Variants in FSIP2 observed in about 807,000 individuals in gnomAD.
FSIP2 encodes the protein fibrous sheath-interacting protein 2.
FSIP2 carries 367 observed loss-of-function variants against 510.5 expected under a neutral mutation model. That is an observed-to-expected ratio of 0.72 (90% CI 0.66 to 0.78). The LOEUF (loss-of-function observed/expected upper bound fraction) is 0.78. FSIP2 is among the 30% of genes least tolerant of loss of function. The probability of loss-of-function intolerance (pLI) is 0.00; values close to 1 mark genes in which losing one functional copy is unlikely to be tolerated. For missense variants in FSIP2, 7,594 were observed against 7,901.7 expected (o/e 0.96, Z 1.48); for synonymous variants, 2,601 against 2,732.2 (o/e 0.95, Z 1.50).
At chr2:185,780,967 G>A (rs769201630) in intron 13 of FSIP2, among the ~76,000 whole-genome samples, 6 of 151,850 alleles carry the variant, frequency 4.0e-5, no homozygotes, top group Admixed American at 6.6e-5. Flanking sequence ...CTGTGATTAC[G>A]AATTCTTAGC....
At chr2:185,776,620 TTTCA>T (rs1312839343) in intron 13 of FSIP2, among the ~76,000 whole-genome samples, 1 of 152,206 alleles carries the variant, frequency 6.6e-6, no homozygotes, top group African/African-American at 2.4e-5. Context: ...TTAAATCTGT[TTTCA>T]TTGACATTAA....
intron 13 of FSIP2, among the ~76,000 whole-genome samples, chr2:185,774,533 C>T (rs944298769): frequency 1.3e-5 from 2 of 151,886 alleles, no homozygotes; most frequent in Non-Finnish European, 2.9e-5. Flanking sequence ...GGTAAGAAGG[C>T]TTGTCAAGTG....
chr2:185,772,398 G>A (rs948299453), intron 13 of FSIP2, among the ~76,000 whole-genome samples: 10 of 152,148 alleles, frequency 6.6e-5, no homozygotes, highest in Non-Finnish European at 1.5e-5. Context: ...AAGAAAATAG[G>A]TTATTTTTCT....
chr2:185,765,624 C>T (rs192890249), intron 13 of FSIP2: 6 of 151,952 alleles, frequency 3.9e-5, no homozygotes, highest in East Asian at 3.9e-4. Flanking sequence ...ATTGGTGATG[C>T]GGGCTCTTTT....
At position 185,797,253 on chromosome 2, in the gene FSIP2, G is replaced by A. The variant is rs771692846; in HGVS notation, c.10117G>A (p.Gly3373Arg). ...KQSSLSEVSG[G>R]QKDNEKSLLR... is the part of the protein sequence containing the mutation. ...AAGCTCTTTATCTGAAGTATCTGGA[G>A]GGCAAAAGGATAACGAAAAAAGTTT... The change falls in exon 16 of 23, where the codon GGG (glycine) becomes AGG (arginine). Residue 3373 changes from glycine to arginine, a missense_variant. Gly to Arg is a moderately radical substitution (Grantham distance 125, BLOSUM62 -2). Coordinates refer to ENST00000424728, the MANE Select transcript of FSIP2 (RefSeq NM_173651.4). 5.9e-6 allele frequency: 9 copies of A among 1,534,676 alleles called. No homozygotes were observed. In the South Asian group the frequency reaches 8.3e-5, roughly 14 times the overall value.
rs557400998 is a variant in FSIP2, at chr2:185,744,578, T to C, written c.477+167T>C. The C allele has an allele frequency of 4.2e-5, 9 of 213,152 alleles. No individual in the cohort carries two copies. The South Asian group carries it at 1.5e-3, about 36-fold the overall frequency. 13.2% of individuals were successfully genotyped at this position (213,152 alleles called of 1,614,324 possible). A position where few individuals can be genotyped will look rare whatever the true frequency, so the allele number is the denominator to read the frequency against. On this transcript the variant is annotated intron_variant, in intron 4 of 22. Transcript: ENST00000424728. Reference sequence around the variant, plus strand: ...AGTAGGAATAAACAATATTTTAATTTTGCTATAGTTGGCCAAGAATGGGAA... The same window carrying C: ...AGTAGGAATAAACAATATTTTAATTCTGCTATAGTTGGCCAAGAATGGGAA...
At chr2:185,786,746 A>G (rs1480497346) in intron 15 of FSIP2, among the ~76,000 whole-genome samples, 4 of 151,868 alleles carry the variant, frequency 2.6e-5, no homozygotes, top group Non-Finnish European at 5.9e-5. Context: ...CAAAGATAAG[A>G]TCGTGTATTT....
At chr2:185,745,393 C>A in intron 4 of FSIP2, 36 bp from the exon 5 acceptor site, 1 of 1,273,446 alleles carries the variant, frequency 7.9e-7, no homozygotes, top group Non-Finnish European at 1.1e-6. Flanking sequence ...ATGTAAAAAG[C>A]ATTATATATA....
rs1353345445 is a variant in FSIP2 at position 185,811,066 on chromosome 2, C to A, written c.19827+1933C>A. On this transcript the variant is annotated intron_variant, in intron 17 of 22. Transcript: ENST00000424728. ...AAATGAAACATTCAAGATGTGACAT[C>A]TTGACAGCCTATTCTCAGATGCTTC... Among the ~76,000 whole-genome samples, 3 of 152,134 alleles carry A rather than the reference C, an allele frequency of 2.0e-5. No individual in the cohort carries two copies. The East Asian group carries it at 5.8e-4, about 30-fold the overall frequency.
At position 185,807,534 on chromosome 2, in the gene FSIP2, T is replaced by C; in HGVS notation, c.18228T>C (p.Asp6076=). The C allele has an allele frequency of 6.2e-7, 1 of 1,611,270 alleles. No individual in the cohort carries two copies. Among genetic ancestry groups the C allele is most frequent in the Non-Finnish European group, 8.5e-7 (1 of 1,178,406 alleles). ...TIQYVETLQS[D]DDEIIQLVVQ... is the part of the protein sequence containing the mutation. ...AGTATGTAGAAACCTTACAATCTGA[T>C]GATGATGAAATTATTCAATTAGTGG... is the stretch of plus-strand genomic sequence containing the variant. Residue 6076 remains aspartate (D), a synonymous_variant, in exon 17 of 23, where the codon GAT becomes GAC. Transcript: ENST00000424728.
intron 7 of FSIP2, among the ~76,000 whole-genome samples, chr2:185,750,096 G>T (rs1041470265): frequency 3.3e-5 from 5 of 151,582 alleles, no homozygotes; most frequent in African/African-American, 1.2e-4. Context: ...TTTTGCACTA[G>T]AGATGTTAGT....
chr2:185,825,792 C>CA, intron 20 of FSIP2, among the ~76,000 whole-genome samples: 1 of 151,862 alleles, frequency 6.6e-6, no homozygotes, highest in East Asian at 2.0e-4. Context: ...ACAAGACTGA[C>CA]AAAGTTTTTG....
At chr2:185,752,639 T>C (rs139324081) in intron 7 of FSIP2, among the ~76,000 whole-genome samples, 44 of 151,530 alleles carry the variant, frequency 2.9e-4, no homozygotes, top group African/African-American at 9.9e-4. Context: ...ATGGTATTGC[T>C]CATCTCACAT....
At chr2:185,746,576 A>T in intron 5 of FSIP2, 93 bp from the exon 6 acceptor site, 1 of 945,208 alleles carries the variant, frequency 1.1e-6, no homozygotes, top group African/African-American at 1.7e-5. Context: ...ATGAAAGGCA[A>T]GCAAGGAAGT....
Position 185,800,467 on chromosome 2 carries a change from A to G in FSIP2, c.11161A>G (p.Lys3721Glu), listed in dbSNP as rs577035419. The change falls in exon 17 of 23, where the codon AAA becomes GAA. Residue 3721 changes from lysine to glutamate, a missense_variant. Physicochemically the swap from Lys to Glu is moderately conservative, Grantham distance 56 (BLOSUM62 1). Coordinates refer to ENST00000424728, the MANE Select transcript of FSIP2 (RefSeq NM_173651.4). ...ECLDTGMDSGKIQRTYFYSSN... is the reference protein window; with the variant it reads ...ECLDTGMDSGEIQRTYFYSSN... ...CCTAGATACGGGTATGGATTCTGGT[A>G]AAATACAAAGAACATATTTCTACTC... 141 of 1,532,892 alleles carry G rather than the reference A, an allele frequency of 9.2e-5. 1 individual carries two copies. The African/African-American group carries it at 1.6e-3, about 17-fold the overall frequency. 95.0% of individuals were successfully genotyped at this position (1,532,892 alleles called of 1,614,324 possible). A position where few individuals can be genotyped will look rare whatever the true frequency, so the allele number is the denominator to read the frequency against.
At chr2:185,751,500 G>T (rs957395006) in intron 7 of FSIP2, among the ~76,000 whole-genome samples, 1 of 58,572 alleles carries the variant, frequency 1.7e-5, no homozygotes, top group African/African-American at 6.2e-5. Context: ...TGTGTGTGTG[G>T]TTACTACTCA....
Position 185,796,618 on chromosome 2 carries a change from C to G in FSIP2, c.9482C>G (p.Ala3161Gly), listed in dbSNP as rs1421987664. The G allele has an allele frequency of 1.6e-5, 24 of 1,534,822 alleles. No individual in the cohort carries two copies. In the East Asian group the frequency reaches 5.4e-4, roughly 34 times the overall value. The change falls in exon 16 of 23, where the codon GCA becomes GGA. Residue 3161 changes from alanine to glycine, a missense_variant. Physicochemically the swap from Ala to Gly is moderately conservative, Grantham distance 60. Coordinates refer to ENST00000424728, the MANE Select transcript of FSIP2 (RefSeq NM_173651.4). ...NAYTVNQVEL[A>G]TNMKMFTSKL... Reference sequence around the variant, plus strand: ...TACACTGTTAATCAGGTTGAATTAGCAACTAATATGAAAATGTTCACATCA... The same window carrying G: ...TACACTGTTAATCAGGTTGAATTAGGAACTAATATGAAAATGTTCACATCA...
chr2:185,812,956 G>A (rs1242957246), intron 17 of FSIP2, among the ~76,000 whole-genome samples: 5 of 151,978 alleles, frequency 3.3e-5, no homozygotes, highest in Non-Finnish European at 7.4e-5. Context: ...TCTTTGATCT[G>A]TCTTTAACAT....
intron 16 of FSIP2, chr2:185,797,835 G>T: frequency 4.0e-6 from 1 of 249,194 alleles, no homozygotes; most frequent in Non-Finnish European, 7.7e-6. Flanking sequence ...TGGGACCACA[G>T]GCATGCCACT....
Sources: allele counts gnomAD v4.1 joint callset (sites outside exome capture counted in the v4.1 genomes callset), GRCh38; gene constraint gnomAD v4.1.1; transcripts MANE v1.5; gene names NCBI Gene and HGNC (gene_info 2026-07-23, HGNC 2026-07-21).